WDR27: variants seen among roughly 807,000 people sequenced by gnomAD.
WDR27 encodes WD repeat domain 27.
In WDR27, 100 loss-of-function variants were observed where a neutral mutation model predicts 114.4. The observed-to-expected ratio is 0.87, with a 90% CI of 0.74 to 1.03. The LOEUF (loss-of-function observed/expected upper bound fraction) is 1.03. WDR27 is among the 50% of genes least tolerant of loss of function. The probability of loss-of-function intolerance (pLI) is 0.00; values close to 1 mark genes in which losing one functional copy is unlikely to be tolerated. For synonymous variants in WDR27, 449 were observed against 423.1 expected (o/e 1.06, Z -0.75); for missense variants, 1,129 against 1,092.9 (o/e 1.03, Z -0.47).
chr6:169,672,790 G>T (rs1779089698), intron 2 of WDR27, among the ~76,000 whole-genome samples: 2 of 152,206 alleles, frequency 1.3e-5, no homozygotes, highest in Admixed American at 1.3e-4. Flanking sequence ...GTAAGAAACG[G>T]CTGGGACAAG....
chr6:169,662,742 TCACG>T lies in WDR27; in HGVS notation c.905-322_905-319del, dbSNP rs781719263. ...GCGTGTGCACCGCGGAGTACTCAGA[TCACG>T]TGTCAAGGAAAGCACTAAGGTAACA... is the stretch of plus-strand genomic sequence containing the variant. On this transcript the variant is annotated intron_variant, in intron 8 of 25. Coordinates refer to ENST00000448612, the MANE Select transcript of WDR27 (RefSeq NM_182552.5). Among the ~76,000 whole-genome samples the T allele has an allele frequency of 5.7e-3, 643 of 112,988 alleles. 92 individuals carry two copies. The highest frequency in any genetic ancestry group is 0.025 in the East Asian group (46 of 1,822). 74.1% of individuals were successfully genotyped at this position (112,988 alleles called of 152,430 possible). A position where few individuals can be genotyped will look rare whatever the true frequency, so the allele number is the denominator to read the frequency against.
Position 169,636,513 on chromosome 6 carries a change from C to A in WDR27, c.1870-9G>T, listed in dbSNP as rs1817689023. On this transcript the variant is annotated splice_polypyrimidine_tract_variant and intron_variant, in intron 18 of 25. Transcript: ENST00000448612. ...GAAAACATGTCTTTGCCCTGTAATG[C>A]AAATCAGTAATTACTGTCAATATAA... is the stretch of plus-strand genomic sequence containing the variant. 1 of 1,592,130 alleles carries A rather than the reference C, an allele frequency of 6.3e-7. No individual in the cohort carries two copies. Among genetic ancestry groups the A allele is most frequent in the African/African-American group, 1.4e-5 (1 of 73,982 alleles).
intron 3 of WDR27, chr6:169,672,037 A>G (rs1036777237): frequency 6.7e-6 from 3 of 447,856 alleles, no homozygotes; most frequent in Non-Finnish European, 1.2e-5. Flanking sequence ...CATAACAGAC[A>G]GCAAAGGTCC....
intron 8 of WDR27, chr6:169,663,421 C>T (rs1195630036): frequency 6.6e-6 from 1 of 151,880 alleles, no homozygotes. Context: ...AGGCTGTGAG[C>T]CCAGAGATGA....
At position 169,634,430 on chromosome 6, in the gene WDR27, G is replaced by T; in HGVS notation, c.2099C>A (p.Ser700Tyr). 1 of 1,610,230 alleles carries T rather than the reference G, an allele frequency of 6.2e-7. No homozygotes were observed. The highest frequency in any genetic ancestry group is 1.7e-4 in the Middle Eastern group (1 of 6,056). ...TSLSAVNDFYSHIVLAAGRNR... is the reference protein window; with the variant it reads ...TSLSAVNDFYYHIVLAAGRNR... ...CCAGGATCCGGGAGAAAGGATACGG[G>T]AATAAAAGTCGTTGACTGCCGATAA... is the stretch of plus-strand genomic sequence containing the variant. Residue 700 changes from serine (S) to tyrosine (Y), a missense_variant and splice_region_variant, in exon 20 of 26, where the codon TCC becomes TAC. By Grantham distance (144) the Ser-to-Tyr change is moderately radical. Coordinates refer to ENST00000448612, the MANE Select transcript of WDR27 (RefSeq NM_182552.5).
At chr6:169,482,125 A>C (rs929591884) in intron 25 of WDR27, among the ~76,000 whole-genome samples, 1 of 152,208 alleles carries the variant, frequency 6.6e-6, no homozygotes, top group African/African-American at 2.4e-5. Context: ...AAAGGACATG[A>C]TCTTATCTTT....
chr6:169,488,521 A>C (rs947717387), intron 25 of WDR27, among the ~76,000 whole-genome samples: 3 of 152,262 alleles, frequency 2.0e-5, no homozygotes, highest in Non-Finnish European at 4.4e-5. Flanking sequence ...GCACCTGGCT[A>C]CAGCCAACTC....
intron 6 of WDR27, chr6:169,666,328 T>G: frequency 1.1e-6 from 1 of 937,620 alleles, no homozygotes. Flanking sequence ...TCAGAAAGAA[T>G]GTTAAATCTT....
intron 1 of WDR27, among the ~76,000 whole-genome samples, chr6:169,690,894 T>C (rs904476508): frequency 6.6e-6 from 1 of 152,030 alleles, no homozygotes; most frequent in Non-Finnish European, 1.5e-5. Flanking sequence ...CAAAGGAGAA[T>C]GGACCACTCG....
In WDR27 at chr6:169,666,287, G is replaced by GTCCA. The variant is rs1253515283; in HGVS notation, c.713-732_713-731insTGGA. ...AAAGCAATGTTTTTAAGTCATTACA[G>GTCCA]CACCATAGTCCACACATGGATACAT... On this transcript the variant is annotated intron_variant, in intron 6 of 25. Coordinates refer to ENST00000448612, the MANE Select transcript of WDR27 (RefSeq NM_182552.5). 27 of 683,370 alleles carry GTCCA rather than the reference G, an allele frequency of 4.0e-5. No individual in the cohort carries two copies. The East Asian group carries it at 1.1e-3, about 28-fold the overall frequency. The allele number at this position is 683,370 out of a possible 1,614,324, so 42.3% of individuals were successfully genotyped here.
At chr6:169,535,726 A>G (rs1231646491) in intron 25 of WDR27, among the ~76,000 whole-genome samples, 1 of 152,220 alleles carries the variant, frequency 6.6e-6, no homozygotes, top group African/African-American at 2.4e-5. Flanking sequence ...TTCATAAAGT[A>G]TGTGGACCAC....
chr6:169,658,399 G>A (rs1453090395), intron 12 of WDR27, 41 bp from the exon 13 acceptor site: 9 of 1,471,134 alleles, frequency 6.1e-6, no homozygotes, highest in South Asian at 1.2e-5. Context: ...GAGCGCAAAC[G>A]ACGATACGAT....
Position 169,668,170 on chromosome 6 carries a change from T to C in WDR27, c.472A>G (p.Thr158Ala). 6.2e-7 allele frequency: 1 copy of C among 1,614,010 alleles called. No individual in the cohort carries two copies. The highest frequency in any genetic ancestry group is 1.1e-5 in the South Asian group (1 of 91,066). Reference sequence around the variant, plus strand: ...TTAACATCAGGACGTTCTATGTATGTCACAGAAAATCGCTGCTATTAAAAT... The same window carrying C: ...TTAACATCAGGACGTTCTATGTATGCCACAGAAAATCGCTGCTATTAAAAT... ...MLDIEQRFSV[T>A]YIERPDVNNR... The change falls in exon 5 of 26, where the codon ACA becomes GCA. Residue 158 changes from threonine (T) to alanine (A), a missense_variant. Coordinates refer to ENST00000448612, the MANE Select transcript of WDR27 (RefSeq NM_182552.5).
intron 19 of WDR27, among the ~76,000 whole-genome samples, chr6:169,636,128 T>C (rs1584773657): frequency 6.6e-6 from 1 of 152,232 alleles, no homozygotes; most frequent in Admixed American, 6.5e-5. Flanking sequence ...GAGATGATAA[T>C]TGAGGATTCT....
Position 169,551,282 on chromosome 6 carries a change from G to A in WDR27, c.2645+21137C>T, listed in dbSNP as rs189225829. 2.4e-3 allele frequency among the ~76,000 whole-genome samples: 366 copies of A among 152,028 alleles called. 1 individual carries two copies. The highest frequency in any genetic ancestry group is 4.3e-3 in the Admixed American group (66 of 15,272). ...GGACTCATAAGGCTCCAATCACTTC[G>A]CTAAGTAATTTAGACACAGAGAGAC... is the stretch of plus-strand genomic sequence containing the variant. On this transcript the variant is annotated intron_variant, in intron 25 of 25. Transcript: ENST00000448612.
At chr6:169,698,611 T>C (rs1380713510) in intron 1 of WDR27, among the ~76,000 whole-genome samples, 2 of 152,228 alleles carry the variant, frequency 1.3e-5, no homozygotes, top group Non-Finnish European at 2.9e-5. Context: ...TTTCTGCTTC[T>C]TCCCTGGAGC....
intron 25 of WDR27, among the ~76,000 whole-genome samples, chr6:169,473,949 T>G (rs1044469495): frequency 7.9e-5 from 12 of 152,264 alleles, no homozygotes; most frequent in Non-Finnish European, 1.3e-4. Flanking sequence ...TTGGCCCAAC[T>G]GGGGCCAGGT....
chr6:169,643,681 T>C lies in WDR27; in HGVS notation c.1747+16A>G, dbSNP rs1819743741. The stretch of plus-strand genomic sequence containing the variant: ...ATCCTTAAGTTCATACTGACTGAAA[T>C]TAAGACATGTTTTACCTGAAAACAC... On this transcript the variant is annotated intron_variant, in intron 17 of 25. Coordinates refer to ENST00000448612, the MANE Select transcript of WDR27 (RefSeq NM_182552.5). 6.2e-7 allele frequency: 1 copy of C among 1,609,944 alleles called. No individual in the cohort carries two copies. The highest frequency in any genetic ancestry group is 1.1e-5 in the South Asian group (1 of 90,502).
At chr6:169,455,719 T>C (rs1292831782), downstream of WDR27, among the ~76,000 whole-genome samples, 1 of 152,228 alleles carries the variant, frequency 6.6e-6, no homozygotes, top group African/African-American at 2.4e-5. Flanking sequence ...CTTTGTTCTC[T>C]GCTTTCCTGG....
Sources: gnomAD v4.1 joint callset for allele counts (sites outside exome capture counted in the v4.1 genomes callset) on GRCh38, gnomAD v4.1.1 for gene constraint, MANE v1.5 for transcripts, NCBI Gene and HGNC (gene_info 2026-07-23, HGNC 2026-07-21) for gene names.